C14orf132: variants seen among roughly 807,000 people sequenced by gnomAD.
C14orf132 encodes the protein uncharacterized protein C14orf132.
Under a neutral mutation model 5.8 loss-of-function variants are expected in C14orf132, and 6 were observed. The observed-to-expected ratio is 1.03, with a 90% CI of 0.57 to 2.04. C14orf132 has a LOEUF of 2.04. C14orf132 is among the 30% of genes most tolerant of loss of function. The pLI is 0.00. For synonymous variants in C14orf132, 51 were observed against 49.8 expected (o/e 1.02, Z -0.10); for missense variants, 125 against 115.8 (o/e 1.08, Z -0.37).
chr14:96,079,172 G>A (rs74654168), intron 1 of C14orf132, among the ~76,000 whole-genome samples: 55 of 152,324 alleles, frequency 3.6e-4, no homozygotes, highest in South Asian at 2.1e-3. Flanking sequence ...GACAGTTCAC[G>A]AGCATGGAAC....
rs1886631297 is a variant in C14orf132 at position 96,039,671 on chromosome 14, C to T, written c.27+144C>T. The T allele has an allele frequency of 3.6e-6, 3 of 824,416 alleles. No homozygotes were observed. Among genetic ancestry groups the T allele is most frequent in the African/African-American group, 1.8e-5 (1 of 56,128 alleles). 51.1% of individuals were successfully genotyped at this position (824,416 alleles called of 1,614,324 possible). A position where few individuals can be genotyped will look rare whatever the true frequency, so the allele number is the denominator to read the frequency against. ...TCCTTTGTCCCGAGCCGGACACCCCCACTTGGTGCACGCGTCGGGGGCGGC... is the reference window on the plus strand; with the variant it reads ...TCCTTTGTCCCGAGCCGGACACCCCTACTTGGTGCACGCGTCGGGGGCGGC... On this transcript the variant is annotated intron_variant, in intron 1 of 1. Coordinates refer to ENST00000555004, the MANE Select transcript of C14orf132 (RefSeq NM_001252507.3). The surrounding 1 kb of genome is among the most constrained non-coding windows in gnomAD (Gnocchi z 5.3).
intron 1 of C14orf132, among the ~76,000 whole-genome samples, chr14:96,074,144 A>G (rs1378507951): frequency 2.0e-5 from 3 of 152,244 alleles, no homozygotes; most frequent in Non-Finnish European, 4.4e-5. Context: ...CCTACGTAAC[A>G]ACAAACCTGC....
intron 1 of C14orf132, among the ~76,000 whole-genome samples, chr14:96,080,536 CCT>C (rs1887998671): frequency 6.6e-6 from 1 of 152,342 alleles, no homozygotes; most frequent in South Asian, 2.1e-4. Context: ...GCTGGGGTCA[CCT>C]CTGATAACCA....
chr14:96,053,230 GC>G (rs1887080678), intron 1 of C14orf132, among the ~76,000 whole-genome samples: 1 of 152,188 alleles, frequency 6.6e-6, no homozygotes, highest in Non-Finnish European at 1.5e-5. Context: ...CCTTTCCCCG[GC>G]CCATTTAATT....
At chr14:96,076,606 T>C (rs968547009) in intron 1 of C14orf132, among the ~76,000 whole-genome samples, 2 of 126,956 alleles carry the variant, frequency 1.6e-5, no homozygotes, top group Admixed American at 1.7e-4. Flanking sequence ...ACACTAATGA[T>C]AGCTGATGAG....
At chr14:96,079,287 G>A (rs1246339763) in intron 1 of C14orf132, among the ~76,000 whole-genome samples, 1 of 152,140 alleles carries the variant, frequency 6.6e-6, no homozygotes, top group Admixed American at 6.5e-5. Context: ...GCATTGGATG[G>A]TTAGTCACTT....
chr14:96,069,030 T>A (rs915638657), intron 1 of C14orf132, among the ~76,000 whole-genome samples: 2 of 151,664 alleles, frequency 1.3e-5, no homozygotes, highest in South Asian at 2.1e-4. Flanking sequence ...CCCCCTCAGC[T>A]CCTCTGGTTC....
intron 1 of C14orf132, among the ~76,000 whole-genome samples, chr14:96,048,977 T>C (rs1038235214): frequency 2.0e-5 from 3 of 152,164 alleles, no homozygotes; most frequent in Non-Finnish European, 4.4e-5. Flanking sequence ...CAGGCTTGAG[T>C]GTAGTGGTAT....
chr14:96,077,915 C>T (rs1225344634), intron 1 of C14orf132, among the ~76,000 whole-genome samples: 1 of 152,240 alleles, frequency 6.6e-6, no homozygotes, highest in Admixed American at 6.5e-5. Context: ...TTTGTGCATG[C>T]AGTTTGGGGT....
intron 1 of C14orf132, among the ~76,000 whole-genome samples, chr14:96,076,082 CT>C (rs1454213108): frequency 9.2e-5 from 14 of 152,062 alleles, no homozygotes; most frequent in Non-Finnish European, 2.1e-4. Flanking sequence ...AAAAATTTAA[CT>C]TATTTAATAG....
chr14:96,050,597 G>C (rs1259868255), intron 1 of C14orf132, among the ~76,000 whole-genome samples: 1 of 152,008 alleles, frequency 6.6e-6, no homozygotes, highest in Non-Finnish European at 1.5e-5. Flanking sequence ...GTGGGCGGCT[G>C]TCTTCTCTCC....
In C14orf132 at chr14:96,071,752, G is replaced by T. The variant is rs182787812; in HGVS notation, c.28-14759G>T. ...TCTGTGGTGAGTGAAAGCCCCAGAT[G>T]TCTCAGCAGAAGACCAGCCCCAGGG... On this transcript the variant is annotated intron_variant, in intron 1 of 1. Coordinates refer to ENST00000555004, the MANE Select transcript of C14orf132 (RefSeq NM_001252507.3). 7.4e-4 allele frequency among the ~76,000 whole-genome samples: 112 copies of T among 152,350 alleles called. 1 individual carries two copies. The Middle Eastern group carries it at 0.02, about 28-fold the overall frequency.
rs888507977 is a variant in C14orf132, at chr14:96,088,711, G to A, written c.*1976G>A. The A allele has an allele frequency of 2.6e-5, 4 of 152,268 alleles. No individual in the cohort carries two copies. Among genetic ancestry groups the A allele is most frequent in the African/African-American group, 4.8e-5 (2 of 41,452 alleles). The allele number at this position is 152,268 out of a possible 1,614,324, so 9.4% of individuals were successfully genotyped here. A position where few individuals can be genotyped will look rare whatever the true frequency, so the allele number is the denominator to read the frequency against. On this transcript the variant is annotated 3_prime_UTR_variant, in exon 2 of 2. Transcript: ENST00000555004. Reference sequence around the variant, plus strand: ...CTTCCCTCTGGCCCCACATCCCTAGGAGGGCCTGACCCCTGTAAAGATACA... The same window carrying A: ...CTTCCCTCTGGCCCCACATCCCTAGAAGGGCCTGACCCCTGTAAAGATACA...
intron 1 of C14orf132, among the ~76,000 whole-genome samples, chr14:96,049,789 T>C (rs2139647598): frequency 6.7e-6 from 1 of 149,576 alleles, no homozygotes; most frequent in African/African-American, 2.4e-5. Flanking sequence ...TCTTTGTTTC[T>C]GTTTGTGTTT....
Position 96,091,403 on chromosome 14 carries a change from C to T in C14orf132, c.*4668C>T, listed in dbSNP as rs1746126795. 1 of 211,054 alleles carries T rather than the reference C, an allele frequency of 4.7e-6. No homozygotes were observed. The highest frequency in any genetic ancestry group is 9.5e-6 in the Non-Finnish European group (1 of 104,858). 13.1% of individuals were successfully genotyped at this position (211,054 alleles called of 1,614,324 possible). ...GAGACCTTTAATTTTTCGGGGAGAG[C>T]AGCTGAGGCCGTGTGGAAAATTAGT... On this transcript the variant is annotated 3_prime_UTR_variant, in exon 2 of 2. Coordinates refer to ENST00000555004, the MANE Select transcript of C14orf132 (RefSeq NM_001252507.3).
At chr14:96,073,435 A>G (rs1887769709) in intron 1 of C14orf132, among the ~76,000 whole-genome samples, 2 of 152,240 alleles carry the variant, frequency 1.3e-5, no homozygotes, top group South Asian at 4.1e-4. Flanking sequence ...TATGAAAAAA[A>G]GTTCAACCTC....
intron 1 of C14orf132, among the ~76,000 whole-genome samples, chr14:96,060,589 G>T (rs1887322810): frequency 6.6e-6 from 1 of 152,314 alleles, no homozygotes; most frequent in African/African-American, 2.4e-5. Flanking sequence ...CCCTGACAGA[G>T]TAGTGTCCTT....
intron 1 of C14orf132, among the ~76,000 whole-genome samples, chr14:96,076,577 C>T (rs549478803): frequency 1.3e-5 from 2 of 151,892 alleles, no homozygotes; most frequent in Non-Finnish European, 2.9e-5. Context: ...TTGCCTTGGT[C>T]CACACATGAA....
chr14:96,059,064 C>T (rs886358581), intron 1 of C14orf132, among the ~76,000 whole-genome samples: 2 of 152,210 alleles, frequency 1.3e-5, no homozygotes, highest in Admixed American at 6.5e-5. Context: ...GAGTTCAAGA[C>T]CAGCCTGTGC....
Sources: allele counts gnomAD v4.1 joint callset (sites outside exome capture counted in the v4.1 genomes callset), GRCh38; gene constraint gnomAD v4.1.1; non-coding constraint Gnocchi (gnomAD v3.1); transcripts MANE v1.5; gene names NCBI Gene and HGNC (gene_info 2026-07-23, HGNC 2026-07-21).